Variants in PRSS3 observed in about 807,000 individuals in gnomAD.
PRSS3 encodes the protein serine protease 3.
In PRSS3, 14 loss-of-function variants were observed where a neutral mutation model predicts 20.8. That is an observed-to-expected ratio of 0.67 (90% confidence interval 0.44 to 1.05). The LOEUF (loss-of-function observed/expected upper bound fraction) is 1.05, where lower values mean the gene tolerates loss of function less well. Among genes scored for constraint, PRSS3 ranks in the 50% least tolerant of loss-of-function variants. PRSS3 has a pLI of 0.00. For missense variants in PRSS3, 237 were observed against 306.4 expected (o/e 0.77, Z 1.69); for synonymous variants, 91 against 117.6 (o/e 0.77, Z 1.46).
intron 1 of PRSS3, among the ~76,000 whole-genome samples, chr9:33,759,096 G>A (rs971103794): frequency 2.0e-5 from 3 of 152,122 alleles, no homozygotes; most frequent in African/African-American, 7.2e-5. Flanking sequence ...AACCAAGTAA[G>A]AGGAATGAAA....
chr9:33,763,415 G>A (rs531351283), intron 1 of PRSS3, among the ~76,000 whole-genome samples: 4 of 152,278 alleles, frequency 2.6e-5, no homozygotes, highest in Non-Finnish European at 4.4e-5. Context: ...TAAAGAAGGT[G>A]GAGGCCGGGC....
At chr9:33,778,266 T>C (rs1824028894) in intron 1 of PRSS3, among the ~76,000 whole-genome samples, 1 of 152,130 alleles carries the variant, frequency 6.6e-6, no homozygotes, top group African/African-American at 2.4e-5. Context: ...TTAAACGTCT[T>C]CCCATTTTTA....
chr9:33,783,230 T>A (rs1157625229), intron 1 of PRSS3, among the ~76,000 whole-genome samples: 1 of 152,206 alleles, frequency 6.6e-6, no homozygotes, highest in African/African-American at 2.4e-5. Flanking sequence ...ACTAAAGGTA[T>A]GAGAAAACTT....
At chr9:33,774,158 A>G (rs1337479565) in intron 1 of PRSS3, among the ~76,000 whole-genome samples, 1 of 152,170 alleles carries the variant, frequency 6.6e-6, no homozygotes, top group Non-Finnish European at 1.5e-5. Context: ...TTAGAAGTCC[A>G]AATTTTTATT....
rs117923469 is a variant in PRSS3, at chr9:33,760,112, T to C, written c.-53+9385T>C. Among the ~76,000 whole-genome samples, 81 of 152,308 alleles carry C rather than the reference T, an allele frequency of 5.3e-4. 1 individual carries two copies. The East Asian group carries it at 0.016, about 29-fold the overall frequency. ...TTTCCTTGAGCACCCAGAAAGAGAA[T>C]TCTGAACTAAATGTATTCTTTCACA... On this transcript the variant is annotated intron_variant, in intron 1 of 5. Coordinates refer to the PRSS3 transcript ENST00000342836.
chr9:33,762,287 A>G (rs1823242003), intron 1 of PRSS3: 1 of 152,200 alleles, frequency 6.6e-6, no homozygotes, highest in Non-Finnish European at 1.5e-5. Flanking sequence ...CTTCCCATAC[A>G]GGAAATAACA....
At chr9:33,774,861 C>T (rs1167840186) in intron 1 of PRSS3, among the ~76,000 whole-genome samples, 1 of 152,040 alleles carries the variant, frequency 6.6e-6, no homozygotes, top group African/African-American at 2.4e-5. Context: ...TGGCGCACGC[C>T]TGTAATCCCA....
chr9:33,779,591 G>A (rs1476107570), intron 1 of PRSS3, among the ~76,000 whole-genome samples: 1 of 152,086 alleles, frequency 6.6e-6, no homozygotes, highest in Non-Finnish European at 1.5e-5. Flanking sequence ...AAAACTGGCT[G>A]GGCGCGGTGG....
chr9:33,773,169 T>C (rs895232009), intron 1 of PRSS3, among the ~76,000 whole-genome samples: 1 of 152,202 alleles, frequency 6.6e-6, no homozygotes, highest in Non-Finnish European at 1.5e-5. Context: ...CCATTTTCTC[T>C]TTCTGACTCC....
chr9:33,791,249 A>G (rs1479042833), upstream of PRSS3, among the ~76,000 whole-genome samples: 3 of 152,258 alleles, frequency 2.0e-5, no homozygotes, highest in African/African-American at 7.2e-5. Flanking sequence ...AGCAAAGTGC[A>G]GAACCTGCTC....
intron 1 of PRSS3, among the ~76,000 whole-genome samples, chr9:33,761,115 G>A (rs1365030341): frequency 6.6e-6 from 1 of 152,186 alleles, no homozygotes. Flanking sequence ...GGCACTTAAC[G>A]ACAGGGACAT....
At chr9:33,751,314 T>C (rs1021088039) in intron 1 of PRSS3, among the ~76,000 whole-genome samples, 2 of 152,146 alleles carry the variant, frequency 1.3e-5, no homozygotes, top group Non-Finnish European at 2.9e-5. Flanking sequence ...CTAATAACAT[T>C]GGGCGGTGGA....
intron 3 of PRSS3, 82 bp from the exon 4 acceptor site, chr9:33,798,404 A>C: frequency 6.3e-7 from 1 of 1,584,352 alleles, no homozygotes; most frequent in South Asian, 1.1e-5. Flanking sequence ...GTTCCTCTTC[A>C]ATGTTCCATC....
chr9:33,784,626 C>A (rs1357084842), intron 1 of PRSS3, among the ~76,000 whole-genome samples: 1 of 152,150 alleles, frequency 6.6e-6, no homozygotes, highest in Non-Finnish European at 1.5e-5. Flanking sequence ...TGTGGTAGTA[C>A]TAAACACTAC....
intron 1 of PRSS3, among the ~76,000 whole-genome samples, chr9:33,753,416 G>A (rs540778077): frequency 6.6e-6 from 1 of 152,284 alleles, no homozygotes; most frequent in African/African-American, 2.4e-5. Flanking sequence ...CTTCATTGGA[G>A]AATTACAGCT....
At chr9:33,759,036 G>A (rs375655602) in intron 1 of PRSS3, among the ~76,000 whole-genome samples, 1 of 152,208 alleles carries the variant, frequency 6.6e-6, no homozygotes, top group African/African-American at 2.4e-5. Flanking sequence ...ACTTAGCCCA[G>A]CCTGGAGACT....
intron 1 of PRSS3, among the ~76,000 whole-genome samples, chr9:33,781,521 T>C (rs1824183609): frequency 6.6e-6 from 1 of 152,154 alleles, no homozygotes; most frequent in Non-Finnish European, 1.5e-5. Flanking sequence ...CACTGAGCAC[T>C]ACTTGAGGGG....
chr9:33,756,875 G>A (rs192199374), intron 1 of PRSS3, among the ~76,000 whole-genome samples: 4 of 152,270 alleles, frequency 2.6e-5, no homozygotes, highest in African/African-American at 4.8e-5. Context: ...CTTTTGGCCT[G>A]CCTTTCATGT....
At chr9:33,751,782 G>C (rs1360387932) in intron 1 of PRSS3, among the ~76,000 whole-genome samples, 1 of 152,126 alleles carries the variant, frequency 6.6e-6, no homozygotes, top group Non-Finnish European at 1.5e-5. Flanking sequence ...TATATTTTCA[G>C]TATAACCTGG....
Sources: allele counts gnomAD v4.1 joint callset (sites outside exome capture counted in the v4.1 genomes callset), GRCh38; gene constraint gnomAD v4.1.1; transcripts MANE v1.5; gene names NCBI Gene and HGNC (gene_info 2026-07-23, HGNC 2026-07-21).